Variants in ARMC7 observed in about 807,000 individuals in gnomAD.
ARMC7 encodes the protein armadillo repeat-containing protein 7.
ARMC7 carries 9 observed loss-of-function variants against 14.8 expected under a neutral mutation model. The ratio of observed to expected loss-of-function variants is 0.61; its 90% CI spans 0.37 to 1.06. ARMC7 has a LOEUF of 1.06. ARMC7 is among the 50% of genes least tolerant of loss of function. The pLI is 0.01. For synonymous variants in ARMC7, 125 were observed against 123.4 expected (o/e 1.01, Z -0.09); for missense variants, 262 against 267.1 (o/e 0.98, Z 0.13).
intron 2 of ARMC7, chr17:75,114,384 C>A: frequency 2.5e-6 from 1 of 397,104 alleles, no homozygotes; most frequent in Non-Finnish European, 4.4e-6. Flanking sequence ...ACAGGGGCAC[C>A]CTGAGGTCCG....
Position 75,128,919 on chromosome 17 carries a change from G to A in ARMC7, c.478G>A (p.Ala160Thr), listed in dbSNP as rs2074076428. The change falls in exon 3 of 3, where the codon GCA becomes ACA. Residue 160 changes from alanine to threonine, a missense_variant. Transcript: ENST00000245543. ...LSASARLRNLAQIFLEDFCSP... is the reference protein window; with the variant it reads ...LSASARLRNLTQIFLEDFCSP... Reference sequence around the variant, plus strand: ...GGCCAGCGCCAGGCTCCGGAACCTGGCACAGATCTTCCTGGAGGACTTCTG... The same window carrying A: ...GGCCAGCGCCAGGCTCCGGAACCTGACACAGATCTTCCTGGAGGACTTCTG... 1 of 1,609,088 alleles carries A rather than the reference G, an allele frequency of 6.2e-7. No homozygotes were observed. The highest frequency in any genetic ancestry group is 2.2e-5 in the East Asian group (1 of 44,858).
Position 75,110,234 on chromosome 17 carries a change from C to T in ARMC7, c.-55C>T. On this transcript the variant is annotated 5_prime_UTR_variant, in exon 1 of 3. Transcript: ENST00000245543. ...GGTGAGGGTCTCGCTCGGCTTTCCC[C>T]CTGCACCTTTCCCACCCTCCCGCCC... is the stretch of plus-strand genomic sequence containing the variant. The T allele has an allele frequency of 6.6e-7, 1 of 1,512,022 alleles. No individual in the cohort carries two copies. Among genetic ancestry groups the T allele is most frequent in the Admixed American group, 2.1e-5 (1 of 48,516 alleles). The allele number at this position is 1,512,022 out of a possible 1,614,324, so 93.7% of individuals were successfully genotyped here.
intron 2 of ARMC7, among the ~76,000 whole-genome samples, chr17:75,128,350 G>A (rs566449803): frequency 2.2e-4 from 33 of 152,272 alleles, no homozygotes; most frequent in Admixed American, 2.6e-4. Flanking sequence ...TGGGATTACA[G>A]GCGTGAACCA....
intron 2 of ARMC7, among the ~76,000 whole-genome samples, chr17:75,117,158 C>T (rs1003086073): frequency 4.0e-4 from 61 of 152,146 alleles, no homozygotes; most frequent in Admixed American, 3.9e-3. Context: ...CTCACTGCAA[C>T]CTCCGCCTAC....
intron 2 of ARMC7, among the ~76,000 whole-genome samples, chr17:75,121,376 T>C (rs2074012365): frequency 6.6e-6 from 1 of 152,186 alleles, no homozygotes; most frequent in South Asian, 2.1e-4. Context: ...CAGGTTATGC[T>C]ATATGCTCCA....
intron 2 of ARMC7, chr17:75,114,654 A>AG (rs2073960246): frequency 2.5e-6 from 1 of 398,068 alleles, no homozygotes; most frequent in East Asian, 3.6e-5. Flanking sequence ...TAGAATTGTT[A>AG]GGATCATTAT....
At chr17:75,125,009 G>A (rs568860273) in intron 2 of ARMC7, among the ~76,000 whole-genome samples, 19 of 152,336 alleles carry the variant, frequency 1.2e-4, no homozygotes, top group African/African-American at 4.6e-4. Context: ...TGCTGAAGTG[G>A]GACTGGCAAG....
At chr17:75,118,138 A>AAG in intron 2 of ARMC7, among the ~76,000 whole-genome samples, 1 of 152,024 alleles carries the variant, frequency 6.6e-6, no homozygotes, top group South Asian at 2.1e-4. Flanking sequence ...AAAAAAAAAA[A>AAG]CAAAGTTATC....
In ARMC7 at chr17:75,119,541, C is replaced by T. The variant is rs539275042; in HGVS notation, c.235+8935C>T. Among the ~76,000 whole-genome samples the T allele has an allele frequency of 3.1e-4, 47 of 151,432 alleles. 1 individual carries two copies. Among genetic ancestry groups the T allele is most frequent in the African/African-American group, 8.7e-4 (36 of 41,242 alleles). On this transcript the variant is annotated intron_variant, in intron 2 of 2. Transcript: ENST00000245543. ...TCGACTCACTGCAAGCTCCGCCTCC[C>T]GGGTTCACGCCATTCTCCTGCCTCA...
At chr17:75,114,556 C>G (rs747531729) in intron 2 of ARMC7, 8 of 394,592 alleles carry the variant, frequency 2.0e-5, no homozygotes, top group Admixed American at 4.4e-5. Context: ...CTTCTCCGAG[C>G]GTGGTTTCCT....
At position 75,111,583 on chromosome 17, in the gene ARMC7, T is replaced by TAA. The variant is rs913673713; in HGVS notation, c.235+995_235+996dup. Among the ~76,000 whole-genome samples the TAA allele has an allele frequency of 4.5e-4, 60 of 132,962 alleles. No individual in the cohort carries two copies. In the South Asian group the frequency reaches 9.3e-3, roughly 21 times the overall value. The allele number at this position is 132,962 out of a possible 152,430, so 87.2% of individuals were successfully genotyped here. A position where few individuals can be genotyped will look rare whatever the true frequency, so the allele number is the denominator to read the frequency against. On this transcript the variant is annotated intron_variant, in intron 2 of 2. Coordinates refer to ENST00000245543, the MANE Select transcript of ARMC7 (RefSeq NM_024585.4). The stretch of plus-strand genomic sequence containing the variant: ...ACATGACAAAACCCCATCTCTGCTT[T>TAA]AAAAAAAAAAAAAAAAAAATTAGTC...
chr17:75,117,371 C>T (rs575113687), intron 2 of ARMC7, among the ~76,000 whole-genome samples: 1 of 152,294 alleles, frequency 6.6e-6, no homozygotes, highest in South Asian at 2.1e-4. Context: ...GCCACTGTGC[C>T]CAGCCAAAAG....
rs1296127804 is a variant in ARMC7 at position 75,110,626 on chromosome 17, C to G, written c.235+20C>G. 6.2e-7 allele frequency: 1 copy of G among 1,613,534 alleles called. No individual in the cohort carries two copies. Among genetic ancestry groups the G allele is most frequent in the Non-Finnish European group, 8.5e-7 (1 of 1,179,728 alleles). On this transcript the variant is annotated intron_variant, in intron 2 of 2. Transcript: ENST00000245543. Reference sequence around the variant, plus strand: ...CTATTGGTAAGGGCGGGGCCCGTTCCCTAGATGCCTAAATGGGCCAGGGTG... The same window carrying G: ...CTATTGGTAAGGGCGGGGCCCGTTCGCTAGATGCCTAAATGGGCCAGGGTG...
At chr17:75,114,537 G>A (rs2073958740) in intron 2 of ARMC7, 1 of 394,276 alleles carries the variant, frequency 2.5e-6, no homozygotes, top group Admixed American at 4.4e-5. Flanking sequence ...TAGAAGCTGA[G>A]TCCCGTCCCT....
Position 75,129,192 on chromosome 17 carries a change from A to G in ARMC7, c.*154A>G, listed in dbSNP as rs893674537. On this transcript the variant is annotated 3_prime_UTR_variant, in exon 3 of 3. Coordinates refer to ENST00000245543, the MANE Select transcript of ARMC7 (RefSeq NM_024585.4). Reference sequence around the variant, plus strand: ...AGCAGGACAGGCATTTACACTGATGAAACGCCACTGGGAGTGAGGAAGCCA... The same window carrying G: ...AGCAGGACAGGCATTTACACTGATGGAACGCCACTGGGAGTGAGGAAGCCA... The G allele has an allele frequency of 5.1e-5, 55 of 1,088,820 alleles. No individual in the cohort carries two copies. Among genetic ancestry groups the G allele is most frequent in the Non-Finnish European group, 6.6e-5 (52 of 785,402 alleles). 67.4% of individuals were successfully genotyped at this position (1,088,820 alleles called of 1,614,324 possible). A position where few individuals can be genotyped will look rare whatever the true frequency, so the allele number is the denominator to read the frequency against.
At chr17:75,114,735 C>T (rs1277181070) in intron 2 of ARMC7, 5 of 398,362 alleles carry the variant, frequency 1.3e-5, no homozygotes, top group East Asian at 7.1e-5. Flanking sequence ...ACAGCAAGAC[C>T]CCCCCGCCCC....
Position 75,117,081 on chromosome 17 carries a change from G to T in ARMC7, c.235+6475G>T, listed in dbSNP as rs560791547. ...AAGTGAGGCTTTGTTTTTGTTTTTG[G>T]TTTTGGTTTTTTTGAGACAGATTCT... On this transcript the variant is annotated intron_variant, in intron 2 of 2. Coordinates refer to ENST00000245543, the MANE Select transcript of ARMC7 (RefSeq NM_024585.4). Among the ~76,000 whole-genome samples, 78 of 152,210 alleles carry T rather than the reference G, an allele frequency of 5.1e-4. 1 individual carries two copies. Among genetic ancestry groups the T allele is most frequent in the Admixed American group, 1.3e-3 (20 of 15,266 alleles).
rs747532497 is a variant in ARMC7 at position 75,129,010 on chromosome 17, C to G, written c.569C>G (p.Pro190Arg). 1 of 1,599,066 alleles carries G rather than the reference C, an allele frequency of 6.3e-7. No homozygotes were observed. The highest frequency in any genetic ancestry group is 1.1e-5 in the South Asian group (1 of 90,946). ...CACTCTGCCCTGGGTATCCCACTGC[C>G]GAGGAGCGTGGCCCCACGGCAGCGC... is the stretch of plus-strand genomic sequence containing the variant. ...QAHSALGIPLPRSVAPRQR is the reference protein window; with the variant it reads ...QAHSALGIPLRRSVAPRQR The change falls in exon 3 of 3, where the codon CCG becomes CGG. Residue 190 changes from proline (P) to arginine (R), a missense_variant. Physicochemically the swap from Pro to Arg is moderately radical, Grantham distance 103. Transcript: ENST00000245543.
intron 2 of ARMC7, among the ~76,000 whole-genome samples, chr17:75,111,677 G>T (rs1302093661): frequency 6.8e-6 from 1 of 146,536 alleles, no homozygotes; most frequent in Admixed American, 6.6e-5. Flanking sequence ...GGTCAAGGCT[G>T]CAGTGAGCTG....
Sources: allele counts gnomAD v4.1 joint callset (sites outside exome capture counted in the v4.1 genomes callset), GRCh38; gene constraint gnomAD v4.1.1; transcripts MANE v1.5; gene names NCBI Gene and HGNC (gene_info 2026-07-23, HGNC 2026-07-21).